TLR2: variants seen among roughly 807,000 people sequenced by gnomAD.
TLR2 encodes the protein toll like receptor 2, also known as toll-like receptor 2.
A neutral mutation model predicts 9.1 loss-of-function variants in TLR2; 7 were observed. The ratio of observed to expected loss-of-function variants is 0.77; its 90% CI spans 0.44 to 1.44. TLR2 has a LOEUF of 1.44. Ranked by LOEUF, TLR2 falls within the 40% of genes most tolerant of loss-of-function variation. The pLI, the probability that TLR2 is intolerant of heterozygous loss-of-function variation, is 0.01. For missense variants in TLR2, 812 were observed against 904.6 expected, an observed-to-expected ratio of 0.90 and a Z score of 1.31; for synonymous variants, 317 against 344.6, an observed-to-expected ratio of 0.92 and a Z score of 0.89.
At position 153,702,983 on chromosome 4, in the gene TLR2, G is replaced by A. The variant is rs200699224; in HGVS notation, c.76G>A (p.Ala26Thr). Residue 26 changes from alanine (A) to threonine (T), a missense_variant, in exon 3 of 3, where the codon GCT (alanine) becomes ACT (threonine). By Grantham distance (58) the Ala-to-Thr change is moderately conservative (BLOSUM62 0). Transcript: ENST00000642700. ...SLSKEESSNQ[A>T]SLSCDRNGIC... Reference sequence around the variant, plus strand: ...CTCCAAGGAAGAATCCTCCAATCAGGCTTCTCTGTCTTGTGACCGCAATGG... The same window carrying A: ...CTCCAAGGAAGAATCCTCCAATCAGACTTCTCTGTCTTGTGACCGCAATGG... 5.6e-6 allele frequency: 9 copies of A among 1,614,004 alleles called. No homozygotes were observed. The highest frequency in any genetic ancestry group is 7.6e-6 in the Non-Finnish European group (9 of 1,180,004).
chr4:153,700,441 T>G (rs190602419), intron 2 of TLR2, among the ~76,000 whole-genome samples: 1 of 152,282 alleles, frequency 6.6e-6, no homozygotes, highest in East Asian at 1.9e-4. Context: ...CCTAAATAAA[T>G]GGAGAGATCT....
At chr4:153,684,520 AGCGGGAAGCGCACCAGGCCCCCG>A (rs1327220459) in intron 1 of TLR2, among the ~76,000 whole-genome samples, 160 bp downstream of exon 1, 5 of 152,200 alleles carry the variant, frequency 3.3e-5, no homozygotes, top group African/African-American at 9.6e-5. Flanking sequence ...GGGCGGGGAT[AGCGGGAAGCGCACCAGGCCCCCG>A]GGACGCCGGT....
At position 153,705,195 on chromosome 4, in the gene TLR2, A is replaced by G; in HGVS notation, c.2288A>G (p.Glu763Gly). The change falls in exon 3 of 3, where the codon GAG (glutamate) becomes GGG (glycine). Residue 763 changes from glutamate to glycine, a missense_variant. Transcript: ENST00000642700. ...ATAATGAACACCAAGACCTACCTGG[A>G]GTGGCCCATGGACGAGGCTCAGCGG... The part of the protein sequence containing the change: ...RKIMNTKTYL[E>G]WPMDEAQREG... 6.2e-7 allele frequency: 1 copy of G among 1,613,274 alleles called. No homozygotes were observed. The highest frequency in any genetic ancestry group is 8.5e-7 in the Non-Finnish European group (1 of 1,179,380).
chr4:153,704,772 G>C lies in TLR2; in HGVS notation c.1865G>C (p.Trp622Ser), dbSNP rs750792926. Reference sequence around the variant, plus strand: ...GGCCTGTGGTATATGAAAATGATGTGGGCCTGGCTCCAGGCCAAAAGGAAG... The same window carrying C: ...GGCCTGTGGTATATGAAAATGATGTCGGCCTGGCTCCAGGCCAAAAGGAAG... Reference protein sequence around the residue: ...FHGLWYMKMMWAWLQAKRKPR... With the variant: ...FHGLWYMKMMSAWLQAKRKPR... Residue 622 changes from tryptophan (W) to serine (S), a missense_variant, in exon 3 of 3, where the codon TGG (tryptophan) becomes TCG (serine). By Grantham distance (177) the Trp-to-Ser change is radical. Coordinates refer to ENST00000642700, the MANE Select transcript of TLR2 (RefSeq NM_001318789.2). 1.2e-6 allele frequency: 2 copies of C among 1,613,828 alleles called. No individual in the cohort carries two copies. Among genetic ancestry groups the C allele is most frequent in the Non-Finnish European group, 1.7e-6 (2 of 1,179,992 alleles).
downstream of TLR2, among the ~76,000 whole-genome samples, chr4:153,708,371 CT>C (rs879647953): frequency 6.6e-6 from 1 of 152,160 alleles, no homozygotes; most frequent in Non-Finnish European, 1.5e-5. Context: ...AATGTGAAGT[CT>C]TTTATTTGTC....
In TLR2 at chr4:153,692,391, T is replaced by A. The variant is rs903157294; in HGVS notation, c.-17+4344T>A. On this transcript the variant is annotated intron_variant, in intron 2 of 2. Transcript: ENST00000642700. The stretch of plus-strand genomic sequence containing the variant: ...AAAATGTTGAGCTATGTGTCCTTTT[T>A]CTAATTGTTCAGCAACTAAGTCCTC... Among the ~76,000 whole-genome samples the A allele has an allele frequency of 2.0e-5, 3 of 152,238 alleles. No individual in the cohort carries two copies. The East Asian group carries it at 5.8e-4, about 29-fold the overall frequency.
intron 1 of TLR2, among the ~76,000 whole-genome samples, chr4:153,686,552 G>C (rs1170005503): frequency 2.6e-5 from 4 of 152,038 alleles, no homozygotes; most frequent in Admixed American, 6.6e-5. Flanking sequence ...AAAGAAAGCT[G>C]TTGTGGCAAT....
chr4:153,708,166 T>A (rs942897714), downstream of TLR2, among the ~76,000 whole-genome samples: 1 of 152,216 alleles, frequency 6.6e-6, no homozygotes, highest in Non-Finnish European at 1.5e-5. Context: ...TATCTGACAT[T>A]CCTGAACTCT....
At chr4:153,694,138 G>GGAAACAAAGGGATGGGCC (rs1736322317) in intron 2 of TLR2, among the ~76,000 whole-genome samples, 2 of 152,222 alleles carry the variant, frequency 1.3e-5, no homozygotes, top group Admixed American at 1.3e-4. Context: ...ATTCCTTACA[G>GGAAACAAAGGGATGGGCC]GAAACAAAGG....
Position 153,704,738 on chromosome 4 carries a change from C to A in TLR2, c.1831C>A (p.Arg611Ser), listed in dbSNP as rs150442440. Residue 611 changes from arginine (R) to serine (S), a missense_variant, in exon 3 of 3, where the codon CGT (arginine) becomes AGT (serine). Transcript: ENST00000642700. The part of the protein sequence containing the change: ...LILLTGVLCH[R>S]FHGLWYMKMM... ...CCTGCTCACGGGGGTCCTGTGCCACCGTTTCCATGGCCTGTGGTATATGAA... is the reference window on the plus strand; with the variant it reads ...CCTGCTCACGGGGGTCCTGTGCCACAGTTTCCATGGCCTGTGGTATATGAA... The A allele has an allele frequency of 1.2e-6, 2 of 1,613,828 alleles. No homozygotes were observed. Among genetic ancestry groups the A allele is most frequent in the African/African-American group, 2.7e-5 (2 of 74,830 alleles).
intron 1 of TLR2, among the ~76,000 whole-genome samples, chr4:153,687,177 G>A (rs2083287): frequency 0.87 from 132,342 of 152,146 alleles, 59,862 homozygotes; most frequent in East Asian, 1. Context: ...CACCTAAACT[G>A]TTGCTTAAAG....
intron 2 of TLR2, among the ~76,000 whole-genome samples, chr4:153,693,571 G>C (rs1449638506): frequency 6.6e-6 from 1 of 152,124 alleles, no homozygotes; most frequent in Non-Finnish European, 1.5e-5. Flanking sequence ...GGAGGATCAG[G>C]CTACTCTTTT....
chr4:153,703,810 C>G lies in TLR2; in HGVS notation c.903C>G (p.Asp301Glu). 6.2e-7 allele frequency: 1 copy of G among 1,613,946 alleles called. No individual in the cohort carries two copies. The highest frequency in any genetic ancestry group is 1.1e-5 in the South Asian group (1 of 91,044). The change falls in exon 3 of 3, where the codon GAC becomes GAG. Residue 301 changes from aspartate to glutamate, a missense_variant. By Grantham distance (45) the Asp-to-Glu change is conservative. Transcript: ENST00000642700. The stretch of plus-strand genomic sequence containing the variant: ...GTAATTTTAGAGCATCTGATAATGA[C>G]AGAGTTATAGATCCAGGTAAAGTGG... Reference protein sequence around the residue: ...GVGNFRASDNDRVIDPGKVET... With the variant: ...GVGNFRASDNERVIDPGKVET...
At chr4:153,696,545 T>C (rs1464091511) in intron 2 of TLR2, among the ~76,000 whole-genome samples, 7 of 152,224 alleles carry the variant, frequency 4.6e-5, no homozygotes, top group Non-Finnish European at 7.3e-5. Context: ...TGTATGTTGA[T>C]TTTGTATACT....
intron 2 of TLR2, chr4:153,701,738 A>G (rs937728230): frequency 2.6e-5 from 4 of 151,638 alleles, no homozygotes; most frequent in East Asian, 3.8e-4. Context: ...AAGAAAATCC[A>G]GAATAAATAT....
Position 153,693,574 on chromosome 4 carries a change from A to G in TLR2, c.-17+5527A>G, listed in dbSNP as rs1447936043. ...AAAGAAAGATCTGGAGGATCAGGCT[A>G]CTCTTTTGCTTCGAAATAATGAGGG... On this transcript the variant is annotated intron_variant, in intron 2 of 2. Transcript: ENST00000642700. 4.1e-4 allele frequency among the ~76,000 whole-genome samples: 62 copies of G among 152,018 alleles called. 1 individual carries two copies.
chr4:153,705,319 A>G lies in TLR2; in HGVS notation c.*57A>G, dbSNP rs185915842. ...TTGGGATCTTTATGTCACTAGTTAT[A>G]GTTAAGTTCATTCAGACATAATTAT... On this transcript the variant is annotated 3_prime_UTR_variant, in exon 3 of 3. Transcript: ENST00000642700. The G allele has an allele frequency of 3.1e-5, 46 of 1,475,986 alleles. No individual in the cohort carries two copies. Among genetic ancestry groups the G allele is most frequent in the Non-Finnish European group, 4.2e-5 (46 of 1,105,406 alleles). The allele number at this position is 1,475,986 out of a possible 1,614,324, so 91.4% of individuals were successfully genotyped here. A position where few individuals can be genotyped will look rare whatever the true frequency, so the allele number is the denominator to read the frequency against.
intron 2 of TLR2, among the ~76,000 whole-genome samples, chr4:153,694,906 A>C (rs943201956): frequency 6.6e-6 from 1 of 152,226 alleles, no homozygotes; most frequent in Non-Finnish European, 1.5e-5. Context: ...TGTAGCTCCC[A>C]CAAATAAGCG....
Position 153,705,237 on chromosome 4 carries a change from ATCTG to A in TLR2, c.2331_2334del (p.Asn777LysfsTer5). The A allele has an allele frequency of 6.3e-7, 1 of 1,592,030 alleles. No homozygotes were observed. Among genetic ancestry groups the A allele is most frequent in the Non-Finnish European group, 8.6e-7 (1 of 1,167,562 alleles). On this transcript the variant is annotated frameshift_variant, in exon 3 of 3. Coordinates refer to ENST00000642700, the MANE Select transcript of TLR2 (RefSeq NM_001318789.2). LOFTEE classifies it high-confidence loss of function. ...GCTCAGCGGGAAGGATTTTGGGTAA[ATCTG>A]AGAGCTGCGATAAAGTCCTAGGTTC...
Sources: allele counts gnomAD v4.1 joint callset (sites outside exome capture counted in the v4.1 genomes callset), GRCh38; gene constraint gnomAD v4.1.1; transcripts MANE v1.5; gene names NCBI Gene and HGNC (gene_info 2026-07-23, HGNC 2026-07-21).